The following LILRB2 variants were observed in gnomAD, a reference collection of about 807,000 sequenced individuals.
LILRB2 encodes leukocyte immunoglobulin like receptor B2, also known as leukocyte immunoglobulin-like receptor subfamily B member 2.
LILRB2 carries 47 observed loss-of-function variants against 72.7 expected under a neutral mutation model. The observed-to-expected ratio is 0.65, with a 90% CI of 0.51 to 0.82. The LOEUF (loss-of-function observed/expected upper bound fraction) is 0.82. Ranked by LOEUF, LILRB2 falls within the 40% of genes least tolerant of loss-of-function variation. LILRB2 has a pLI of 0.00. For missense variants in LILRB2, 767 were observed against 764.8 expected, an observed-to-expected ratio of 1.00 and a Z score of -0.03; for synonymous variants, 279 against 313.7, an observed-to-expected ratio of 0.89 and a Z score of 1.17.
In LILRB2 at chr19:54,277,889, C is replaced by T; in HGVS notation, c.1309G>A (p.Gly437Ser). 6.5e-7 allele frequency: 1 copy of T among 1,548,724 alleles called. No individual in the cohort carries two copies. The change falls in exon 8 of 14, where the codon GGC becomes AGC. Residue 437 changes from glycine (G) to serine (S), a missense_variant and splice_region_variant. Coordinates refer to ENST00000314446, the MANE Select transcript of LILRB2 (RefSeq NM_001080978.4). ...CGAGCCAGAGGCCTCAGGGACTCAC[C>T]AGGTGTGGAGATGGGACCGGTGGGT... ...PPPTGPISTP[G>S]PEDQPLTPTG...
intron 7 of LILRB2, 139 bp from the exon 8 acceptor site, chr19:54,278,078 A>C: frequency 2.7e-6 from 3 of 1,107,754 alleles, no homozygotes; most frequent in Admixed American, 2.8e-5. Flanking sequence ...GATGCTGGCG[A>C]TGCCGCTGAG....
chr19:54,279,627 G>C lies in LILRB2; in HGVS notation c.376C>G (p.Leu126Val). ...ACCACAGGGCTGGGCTGGGCTGAGA[G>C]GGTGGGTTTTGGGTAGGCTCCTAGG... ...VMTGAYPKPT[L>V]SAQPSPVVTS... is the part of the protein sequence containing the mutation. Residue 126 changes from leucine (L) to valine (V), a missense_variant, in exon 5 of 14, where the codon CTC (leucine) becomes GTC (valine). By Grantham distance (32) the Leu-to-Val change is conservative. Coordinates refer to ENST00000314446, the MANE Select transcript of LILRB2 (RefSeq NM_001080978.4). The C allele has an allele frequency of 6.2e-7, 1 of 1,613,746 alleles. No individual in the cohort carries two copies. Among genetic ancestry groups the C allele is most frequent in the Non-Finnish European group, 8.5e-7 (1 of 1,179,818 alleles).
intron 9 of LILRB2, 52 bp downstream of exon 9, chr19:54,277,498 C>T: frequency 6.4e-7 from 1 of 1,550,710 alleles, no homozygotes; most frequent in South Asian, 1.2e-5. Context: ...ACAGAACCCA[C>T]CCCTGCCTCC....
At position 54,277,912 on chromosome 19, in the gene LILRB2, G is replaced by A. The variant is rs1386437382; in HGVS notation, c.1286C>T (p.Pro429Leu). 2 of 1,543,094 alleles carry A rather than the reference G, an allele frequency of 1.3e-6. No homozygotes were observed. Among genetic ancestry groups the A allele is most frequent in the Admixed American group, 2.0e-5 (1 of 49,190 alleles). Residue 429 changes from proline to leucine, a missense_variant, in exon 8 of 14, where the codon CCC becomes CTC. Around this residue, in one of 3 missense-constraint regions of LILRB2, gnomAD observed 599 missense variants for 568.2 expected, o/e 1.05. Coordinates refer to ENST00000314446, the MANE Select transcript of LILRB2 (RefSeq NM_001080978.4). ...SGPSMGSSPP[P>L]TGPISTPGPE... ...ACCAGGTGTGGAGATGGGACCGGTG[G>A]GTGGGGGGCTGGAACCCATGGAGGG...
chr19:54,280,325 T>C (rs1250630544), intron 2 of LILRB2, 26 bp from the exon 3 acceptor site: 1 of 1,613,294 alleles, frequency 6.2e-7, no homozygotes, highest in Admixed American at 1.7e-5. Context: ...CTGTGAGGGA[T>C]TTGCCCCCTG....
rs2080487338 is a variant in LILRB2, at chr19:54,280,263, C to T, written c.70+1G>A. On this transcript the variant is annotated splice_donor_variant, in intron 3 of 13. Coordinates refer to ENST00000314446, the MANE Select transcript of LILRB2 (RefSeq NM_001080978.4). LOFTEE classifies it high-confidence loss of function. Reference sequence around the variant, plus strand: ...CCTGGGAGAGCTGGGGACAGACTCACCTGTCTGCACGCGGGTCCTGGGGCC... The same window carrying T: ...CCTGGGAGAGCTGGGGACAGACTCATCTGTCTGCACGCGGGTCCTGGGGCC... 17 of 1,613,982 alleles carry T rather than the reference C, an allele frequency of 1.1e-5. No individual in the cohort carries two copies. Among genetic ancestry groups the T allele is most frequent in the Middle Eastern group, 1.7e-4 (1 of 5,962 alleles).
Position 54,274,270 on chromosome 19 carries a change from T to C in LILRB2, c.*413A>G, listed in dbSNP as rs1372286051. ...TTTCTTACACCTTCATTTGGAATAATTGGTTATTCTTTTTCTAAATTCCTT... is the reference window on the plus strand; with the variant it reads ...TTTCTTACACCTTCATTTGGAATAACTGGTTATTCTTTTTCTAAATTCCTT... On this transcript the variant is annotated 3_prime_UTR_variant, in exon 14 of 14. Coordinates refer to ENST00000314446, the MANE Select transcript of LILRB2 (RefSeq NM_001080978.4). 1.2e-5 allele frequency: 2 copies of C among 172,252 alleles called. No homozygotes were observed. Among genetic ancestry groups the C allele is most frequent in the East Asian group, 3.3e-4 (2 of 6,136 alleles). The allele number at this position is 172,252 out of a possible 1,614,324, so 10.7% of individuals were successfully genotyped here. A position where few individuals can be genotyped will look rare whatever the true frequency, so the allele number is the denominator to read the frequency against.
At position 54,274,714 on chromosome 19, in the gene LILRB2, G is replaced by A. The variant is rs537237469; in HGVS notation, c.1763C>T (p.Pro588Leu). The A allele has an allele frequency of 1.9e-6, 3 of 1,613,870 alleles. No individual in the cohort carries two copies. The highest frequency in any genetic ancestry group is 2.2e-5 in the East Asian group (1 of 44,854). ...GATGGCCAGGGTGGCGTAGATGCTG[G>A]GCTCAGCTGGAGGTTCCCTTTCCTG... Reference protein sequence around the residue: ...PSQEREPPAEPSIYATLAIH With the variant: ...PSQEREPPAELSIYATLAIH The change falls in exon 14 of 14, where the codon CCC becomes CTC. Residue 588 changes from proline (P) to leucine (L), a missense_variant. Transcript: ENST00000314446.
chr19:54,276,087 A>G, intron 12 of LILRB2, 84 bp from the exon 13 acceptor site: 2 of 1,579,142 alleles, frequency 1.3e-6, no homozygotes, highest in Non-Finnish European at 1.7e-6. Context: ...CTGCTCCCAG[A>G]TGGGGCTACT....
At chr19:54,276,164 AG>A in intron 12 of LILRB2, 99 bp downstream of exon 12, 1 of 1,584,742 alleles carries the variant, frequency 6.3e-7, no homozygotes, top group Non-Finnish European at 8.6e-7. Flanking sequence ...TCTCACCCTG[AG>A]CCCCAGACCC....
At chr19:54,277,154 C>T (rs1325812632) in intron 9 of LILRB2, 4 of 1,505,020 alleles carry the variant, frequency 2.7e-6, no homozygotes, top group East Asian at 4.9e-5. Context: ...GGGAAGGGAG[C>T]CTGGGAGTCT....
rs1482172655 is a variant in LILRB2, at chr19:54,274,671, G to C, written c.*12C>G. On this transcript the variant is annotated 3_prime_UTR_variant, in exon 14 of 14. Coordinates refer to ENST00000314446, the MANE Select transcript of LILRB2 (RefSeq NM_001080978.4). ...TCCTTCTACTGAGTGTGGAGTCTGC[G>C]TACCCTCCGGGCTAGTGGATGGCCA... is the stretch of plus-strand genomic sequence containing the variant. 1 of 1,614,004 alleles carries C rather than the reference G, an allele frequency of 6.2e-7. No individual in the cohort carries two copies. The highest frequency in any genetic ancestry group is 2.2e-5 in the East Asian group (1 of 44,856).
Position 54,278,258 on chromosome 19 carries a change from A to C in LILRB2, c.1258+2T>G, listed in dbSNP as rs1413083104. On this transcript the variant is annotated splice_donor_variant, in intron 7 of 13. Transcript: ENST00000314446. LOFTEE classifies it high-confidence loss of function. ...CAGAGAGGACAGGGTCAAGGCCCCC[A>C]CCTGAGACCACGAGCTCCAGGGGCT... 1 of 1,613,956 alleles carries C rather than the reference A, an allele frequency of 6.2e-7. No individual in the cohort carries two copies. The highest frequency in any genetic ancestry group is 8.5e-7 in the Non-Finnish European group (1 of 1,179,990).
In LILRB2 at chr19:54,279,858, A is replaced by G. The variant is rs1432769571; in HGVS notation, c.288T>C (p.Tyr96=). 7 of 1,614,136 alleles carry G rather than the reference A, an allele frequency of 4.3e-6. No homozygotes were observed. The highest frequency in any genetic ancestry group is 4.0e-5 in the African/African-American group (3 of 75,028). ...GAGCGCGGCTGTAATACTGACAGCC[A>G]TATCGCCCTGTGTGTTCCCAGGTGA... The part of the protein sequence containing the change: ...PSITWEHTGR[Y]GCQYYSRARW... Residue 96 remains tyrosine (Y), a synonymous_variant, in exon 4 of 14, where the codon TAT becomes TAC. Transcript: ENST00000314446.
Position 54,280,986 on chromosome 19 carries a change from G to C in LILRB2, c.-74C>G, listed in dbSNP as rs2080519897. 2 of 1,274,018 alleles carry C rather than the reference G, an allele frequency of 1.6e-6. No homozygotes were observed. Among genetic ancestry groups the C allele is most frequent in the African/African-American group, 3.0e-5 (2 of 67,012 alleles). 78.9% of individuals were successfully genotyped at this position (1,274,018 alleles called of 1,614,324 possible). Reference sequence around the variant, plus strand: ...CATGGCAGTCGTCCCTCCAGCCCTGGAGATGCTTCAGGGAAGACCCAGGTC... The same window carrying C: ...CATGGCAGTCGTCCCTCCAGCCCTGCAGATGCTTCAGGGAAGACCCAGGTC... On this transcript the variant is annotated 5_prime_UTR_variant, in exon 1 of 14. Transcript: ENST00000314446.
chr19:54,276,181 A>T, intron 12 of LILRB2, 83 bp downstream of exon 12: 1 of 1,601,182 alleles, frequency 6.2e-7, no homozygotes, highest in South Asian at 1.1e-5. Flanking sequence ...GACCCTTTCC[A>T]GCCGGTGCCC....
intron 6 of LILRB2, 31 bp downstream of exon 6, chr19:54,278,781 G>A (rs1490345620): frequency 6.2e-7 from 1 of 1,609,876 alleles, no homozygotes; most frequent in East Asian, 2.2e-5. Flanking sequence ...GCAGAGTCTG[G>A]GTCCCTGACT....
Position 54,276,500 on chromosome 19 carries a change from C to T in LILRB2, c.1481-44G>A. On this transcript the variant is annotated intron_variant, in intron 10 of 13. Transcript: ENST00000314446. ...AGCCTCAGCCCTGGGAACATTGGAG[C>T]CCCCTGCCCTGCACACACAGCTCGA... 3.0e-6 allele frequency: 4 copies of T among 1,343,602 alleles called. No individual in the cohort carries two copies. In the South Asian group the frequency reaches 5.5e-5, roughly 18 times the overall value. The allele number at this position is 1,343,602 out of a possible 1,614,324, so 83.2% of individuals were successfully genotyped here. A position where few individuals can be genotyped will look rare whatever the true frequency, so the allele number is the denominator to read the frequency against.
chr19:54,277,441 G>T (rs986721731), intron 9 of LILRB2, 109 bp downstream of exon 9: 4 of 1,482,538 alleles, frequency 2.7e-6, no homozygotes, highest in Non-Finnish European at 3.7e-6. Flanking sequence ...CCCAGGCAGG[G>T]GAGGAGCCTG....
Sources: allele counts gnomAD v4.1 joint callset, GRCh38; gene constraint gnomAD v4.1.1; regional missense constraint gnomAD v4.1.1; transcripts MANE v1.5; gene names NCBI Gene and HGNC (gene_info 2026-07-23, HGNC 2026-07-21).